Variants in LARGE1 observed in about 807,000 individuals in gnomAD.
LARGE1 encodes LARGE xylosyl- and glucuronyltransferase 1.
LARGE1 carries 43 observed loss-of-function variants against 87.6 expected under a neutral mutation model. The observed-to-expected ratio is 0.49, with a 90% confidence interval of 0.38 to 0.63. The LOEUF is 0.63. LARGE1 is among the 30% of genes least tolerant of loss of function. The probability of loss-of-function intolerance (pLI) is 0.00; values close to 1 mark genes in which losing one functional copy is unlikely to be tolerated. For missense variants in LARGE1, 802 were observed against 1,000.2 expected (o/e 0.80, Z 2.67); for synonymous variants, 434 against 394.6 (o/e 1.10, Z -1.18).
chr22:33,699,376 G>A (rs1253295181), intron 2 of LARGE1, among the ~76,000 whole-genome samples: 1 of 152,144 alleles, frequency 6.6e-6, no homozygotes, highest in East Asian at 1.9e-4. Context: ...GAACCAAATG[G>A]TTGTGGGAAG....
rs2084727929 is a variant in LARGE1 at position 33,761,484 on chromosome 22, G to A, written c.-8C>T. The A allele has an allele frequency of 6.2e-7, 1 of 1,609,768 alleles. No homozygotes were observed. On this transcript the variant is annotated 5_prime_UTR_variant, in exon 2 of 15. Coordinates refer to ENST00000397394, the MANE Select transcript of LARGE1 (RefSeq NM_133642.5). ...CCTGCAGATTCCCAGCATCCTCTCA[G>A]AAGTGGCAATCCCTAATCCCAGCGC...
At chr22:33,796,462 C>T (rs915889132) in intron 1 of LARGE1, among the ~76,000 whole-genome samples, 27 of 152,056 alleles carry the variant, frequency 1.8e-4, no homozygotes, top group Non-Finnish European at 2.6e-4. Flanking sequence ...TTTGAGCCCC[C>T]GCTAGACTCA....
At chr22:33,613,007 T>C (rs997169524) in intron 4 of LARGE1, among the ~76,000 whole-genome samples, 7 of 152,204 alleles carry the variant, frequency 4.6e-5, no homozygotes, top group Admixed American at 1.3e-4. Context: ...CTCACCTTTA[T>C]GGCAATACTA....
At chr22:33,214,798 G>A (rs1339001257) in intron 11 of LARGE1, among the ~76,000 whole-genome samples, 1 of 152,208 alleles carries the variant, frequency 6.6e-6, no homozygotes, top group Non-Finnish European at 1.5e-5. Flanking sequence ...ACCTAAGGCA[G>A]AATTAGAATT....
chr22:33,385,162 T>C (rs1293431347), intron 7 of LARGE1, among the ~76,000 whole-genome samples: 1 of 148,638 alleles, frequency 6.7e-6, no homozygotes, highest in African/African-American at 2.4e-5. Context: ...GGTTACTTTC[T>C]GCGGAAGGGA....
the LARGE1 span, among the ~76,000 whole-genome samples, chr22:33,152,926 C>T: frequency 1.8e-4 from 28 of 152,180 alleles, no homozygotes; most frequent in African/African-American, 6.5e-4. Flanking sequence ...GGTAAGTCCA[C>T]TAGTTTGTCT....
At chr22:33,685,294 A>G (rs575868352) in intron 2 of LARGE1, among the ~76,000 whole-genome samples, 9 of 152,340 alleles carry the variant, frequency 5.9e-5, no homozygotes, top group Non-Finnish European at 1.2e-4. Flanking sequence ...TGAACAAAGC[A>G]CTTCCTAGAG....
At chr22:33,218,641 G>C (rs575968847) in intron 11 of LARGE1, among the ~76,000 whole-genome samples, 1 of 152,144 alleles carries the variant, frequency 6.6e-6, no homozygotes, top group Non-Finnish European at 1.5e-5. Flanking sequence ...CCTACTGTGT[G>C]CCAGGCACTG....
intron 6 of LARGE1, among the ~76,000 whole-genome samples, chr22:33,503,718 G>A (rs1446442273): frequency 6.6e-6 from 1 of 151,222 alleles, no homozygotes; most frequent in African/African-American, 2.4e-5. Flanking sequence ...AAAATTGCTT[G>A]AACCCGGGAG....
chr22:33,446,574 G>T (rs1201074622), intron 6 of LARGE1, among the ~76,000 whole-genome samples: 1 of 152,186 alleles, frequency 6.6e-6, no homozygotes, highest in Non-Finnish European at 1.5e-5. Context: ...TCATTGCTTT[G>T]TATCAGGAGG....
chr22:33,088,765 C>T, the LARGE1 span, among the ~76,000 whole-genome samples: 1 of 152,144 alleles, frequency 6.6e-6, no homozygotes, highest in African/African-American at 2.4e-5. Context: ...GAATCCCCGA[C>T]TTTTAGAGAA....
intron 2 of LARGE1, among the ~76,000 whole-genome samples, chr22:33,717,596 T>C (rs2082950914): frequency 6.6e-6 from 1 of 152,048 alleles, no homozygotes; most frequent in African/African-American, 2.4e-5. Context: ...ATCCCCACAG[T>C]GGAATCGAGG....
intron 6 of LARGE1, among the ~76,000 whole-genome samples, chr22:33,563,542 AAAAC>A (rs1328342787): frequency 1.3e-5 from 2 of 152,246 alleles, no homozygotes; most frequent in African/African-American, 2.4e-5. Flanking sequence ...CAGGAAGAGA[AAAAC>A]AAACAGACAC....
chr22:33,314,504 T>C (rs1314870040), intron 11 of LARGE1, among the ~76,000 whole-genome samples: 1 of 152,206 alleles, frequency 6.6e-6, no homozygotes, highest in South Asian at 2.1e-4. Context: ...TGTTCTTTCA[T>C]CAGTTTGTCC....
intron 6 of LARGE1, among the ~76,000 whole-genome samples, chr22:33,443,308 C>T (rs2067557540): frequency 1.3e-5 from 2 of 152,168 alleles, no homozygotes; most frequent in East Asian, 3.9e-4. Flanking sequence ...ATCTGCAAAG[C>T]ATTTCTCTCC....
intron 1 of LARGE1, among the ~76,000 whole-genome samples, chr22:33,869,651 A>G (rs2064215751): frequency 6.6e-6 from 1 of 152,208 alleles, no homozygotes; most frequent in Admixed American, 6.5e-5. Context: ...CCACCAGCAC[A>G]TAGGTGTGTA....
chr22:33,430,992 C>T (rs562727326), intron 7 of LARGE1, among the ~76,000 whole-genome samples: 4 of 152,234 alleles, frequency 2.6e-5, no homozygotes, highest in South Asian at 2.1e-4. Context: ...TCCCAACCCA[C>T]TTCATTTGCT....
At chr22:33,480,133 C>CACA in intron 6 of LARGE1, among the ~76,000 whole-genome samples, 1 of 152,160 alleles carries the variant, frequency 6.6e-6, no homozygotes, top group Non-Finnish European at 1.5e-5. Flanking sequence ...CTCAAAGCAA[C>CACA]GGTGCCTAAA....
chr22:33,453,268 A>G (rs1054135006), intron 6 of LARGE1, among the ~76,000 whole-genome samples: 19 of 152,070 alleles, frequency 1.2e-4, no homozygotes, highest in African/African-American at 4.6e-4. Flanking sequence ...TACAAAAATT[A>G]GCTGGGCATG....
Sources: gnomAD v4.1 joint callset for allele counts (sites outside exome capture counted in the v4.1 genomes callset) on GRCh38, gnomAD v4.1.1 for gene constraint, MANE v1.5 for transcripts, NCBI Gene and HGNC (gene_info 2026-07-23, HGNC 2026-07-21) for gene names.